CUL5: variants seen among roughly 807,000 people sequenced by gnomAD.
The protein encoded by CUL5 is cullin 5, also known as cullin-5.
In CUL5, 26 loss-of-function variants were observed where a neutral mutation model predicts 108.8. That is an observed-to-expected ratio of 0.24 (90% CI 0.18 to 0.33). The LOEUF (loss-of-function observed/expected upper bound fraction) is 0.33, where lower values mean the gene tolerates loss of function less well. CUL5 is among the 10% of genes least tolerant of loss of function. The pLI is 1.00. For synonymous variants in CUL5, 334 were observed against 298.0 expected (o/e 1.12, Z -1.25); for missense variants, 524 against 909.2 (o/e 0.58, Z 5.45).
Position 108,009,286 on chromosome 11 carries a change from C to T in CUL5, c.-63C>T. 2 of 1,597,146 alleles carry T rather than the reference C, an allele frequency of 1.3e-6. No homozygotes were observed. Among genetic ancestry groups the T allele is most frequent in the Non-Finnish European group, 1.7e-6 (2 of 1,166,724 alleles). Reference sequence around the variant, plus strand: ...CCTGGTGGGAGCTCCGGCCTCCGGTCAAGGCCTGGCCGGGAGCGCCACGAA... The same window carrying T: ...CCTGGTGGGAGCTCCGGCCTCCGGTTAAGGCCTGGCCGGGAGCGCCACGAA... On this transcript the variant is annotated 5_prime_UTR_variant, in exon 1 of 19. Transcript: ENST00000393094.
At chr11:108,100,260 A>G (rs73000537) in intron 18 of CUL5, among the ~76,000 whole-genome samples, 8,877 of 152,178 alleles carry the variant, frequency 0.058, 386 homozygotes, top group Non-Finnish European at 0.079. Context: ...AAATAACTTT[A>G]GGCTCGGCGC....
At position 108,095,700 on chromosome 11, in the gene CUL5, A is replaced by C; in HGVS notation, c.1905+9A>C. On this transcript the variant is annotated intron_variant, in intron 16 of 18. Transcript: ENST00000393094. ...TTAGGAGGACTTTATGGGTTGGTTT[A>C]TGTTTTTTTGTTTTTAAGACTGTAT... 1.9e-6 allele frequency: 3 copies of C among 1,605,994 alleles called. No homozygotes were observed. The highest frequency in any genetic ancestry group is 2.5e-6 in the Non-Finnish European group (3 of 1,177,584).
intron 15 of CUL5, 69 bp downstream of exon 15, chr11:108,095,056 G>A (rs1864455778): frequency 7.5e-7 from 1 of 1,325,296 alleles, no homozygotes; most frequent in Admixed American, 2.4e-5. Context: ...CCGCAGAATT[G>A]CTTAAACAAA....
At chr11:108,020,502 G>A (rs1312475086) in intron 1 of CUL5, among the ~76,000 whole-genome samples, 1 of 151,506 alleles carries the variant, frequency 6.6e-6, no homozygotes, top group East Asian at 1.9e-4. Context: ...TATAAAGAAA[G>A]TAAATATGTT....
chr11:108,059,667 A>G (rs1863485350), intron 7 of CUL5, among the ~76,000 whole-genome samples: 1 of 152,204 alleles, frequency 6.6e-6, no homozygotes, highest in Non-Finnish European at 1.5e-5. Flanking sequence ...TCATGAGGTC[A>G]GGAGTTCAAG....
chr11:108,089,387 T>C, intron 12 of CUL5, 105 bp from the exon 13 acceptor site: 1 of 755,852 alleles, frequency 1.3e-6, no homozygotes, highest in Non-Finnish European at 2.1e-6. Flanking sequence ...CTGTATATGC[T>C]CATAAAAGTT....
chr11:108,059,143 G>T (rs1436949604), intron 7 of CUL5, among the ~76,000 whole-genome samples: 1 of 152,178 alleles, frequency 6.6e-6, no homozygotes, highest in Non-Finnish European at 1.5e-5. Context: ...CTCCTGAGTT[G>T]CTGGGACAGT....
At chr11:108,032,581 GTC>G (rs371413301) in intron 1 of CUL5, among the ~76,000 whole-genome samples, 27 of 149,880 alleles carry the variant, frequency 1.8e-4, no homozygotes, top group Admixed American at 2.0e-4. Flanking sequence ...CACATATGGG[GTC>G]TCTCTCTCTC....
At chr11:108,010,818 G>T (rs1416249605) in intron 1 of CUL5, among the ~76,000 whole-genome samples, 1 of 152,106 alleles carries the variant, frequency 6.6e-6, no homozygotes, top group East Asian at 1.9e-4. Flanking sequence ...AAATTTGTGG[G>T]CTGGGCACAG....
chr11:108,089,556 CACG>C lies in CUL5; in HGVS notation c.1380_1382del (p.Arg461del). 2 of 1,567,052 alleles carry C rather than the reference CACG, an allele frequency of 1.3e-6. No individual in the cohort carries two copies. The highest frequency in any genetic ancestry group is 1.7e-6 in the Non-Finnish European group (2 of 1,160,266). ...ATGAGGTATCATAAAGCTCATTTGA[CACG>C]ACGTCTTATATTAGACATCTCTGCC... is the stretch of plus-strand genomic sequence containing the variant. On this transcript the variant is annotated inframe_deletion, in exon 13 of 19. Transcript: ENST00000393094.
At chr11:108,056,850 A>G (rs915501307) in intron 7 of CUL5, among the ~76,000 whole-genome samples, 1 of 152,200 alleles carries the variant, frequency 6.6e-6, no homozygotes, top group Non-Finnish European at 1.5e-5. Context: ...TATCACATGG[A>G]TGGGGCTAGA....
At chr11:108,088,490 T>C (rs753622706) in intron 11 of CUL5, 37 bp from the exon 12 acceptor site, 1 of 1,563,668 alleles carries the variant, frequency 6.4e-7, no homozygotes, top group Non-Finnish European at 8.6e-7. Context: ...CAAACATTAA[T>C]CATTTTTCCA....
chr11:108,086,717 T>G (rs1864229670), intron 11 of CUL5, among the ~76,000 whole-genome samples: 2 of 152,190 alleles, frequency 1.3e-5, no homozygotes, highest in Admixed American at 1.3e-4. Flanking sequence ...AGTTTTTCCT[T>G]TCTGTTTCTT....
chr11:108,072,938 C>T (rs538132184), intron 9 of CUL5, among the ~76,000 whole-genome samples: 1 of 152,192 alleles, frequency 6.6e-6, no homozygotes, highest in African/African-American at 2.4e-5. Flanking sequence ...CAAGGTGGCT[C>T]ACGCCTGTAA....
intron 8 of CUL5, 125 bp from the exon 9 acceptor site, chr11:108,072,206 CG>C: frequency 1.4e-6 from 1 of 726,958 alleles, no homozygotes; most frequent in Non-Finnish European, 2.0e-6. Flanking sequence ...AACAAAAAAA[CG>C]AACAACTACT....
chr11:108,018,674 T>TA (rs969867854), intron 1 of CUL5, among the ~76,000 whole-genome samples: 67 of 149,042 alleles, frequency 4.5e-4, no homozygotes, highest in South Asian at 1.7e-3. Context: ...GACTGTGTCT[T>TA]AAAAAAAAAA....
chr11:108,073,201 C>CAA (rs371051952), intron 9 of CUL5, among the ~76,000 whole-genome samples, 189 bp from the exon 10 acceptor site: 34 of 100,334 alleles, frequency 3.4e-4, no homozygotes, highest in Admixed American at 1.1e-3. Context: ...GACTCCGTCT[C>CAA]AAAAAAAAAA....
At chr11:108,076,427 T>A (rs1264981498) in intron 10 of CUL5, among the ~76,000 whole-genome samples, 1 of 152,228 alleles carries the variant, frequency 6.6e-6, no homozygotes, top group Non-Finnish European at 1.5e-5. Context: ...TCATGTCACC[T>A]ACATTTCCTT....
rs937826428 is a variant in CUL5, at chr11:108,094,870, A to G, written c.1626A>G (p.Lys542=). ...GCGCCTGGTCAAGAAGTTCTGAGAA[A>G]GTCTTTGTCTCACTTCCTACTGAAC... ...NAGAWSRSSE[K]VFVSLPTELE... Residue 542 remains lysine, a synonymous_variant, in exon 15 of 19, where the codon AAA becomes AAG. Transcript: ENST00000393094. 3.1e-5 allele frequency: 50 copies of G among 1,612,748 alleles called. No homozygotes were observed. The highest frequency in any genetic ancestry group is 4.2e-5 in the Non-Finnish European group (50 of 1,179,406).
Sources: gnomAD v4.1 joint callset for allele counts (sites outside exome capture counted in the v4.1 genomes callset) on GRCh38, gnomAD v4.1.1 for gene constraint, MANE v1.5 for transcripts, NCBI Gene and HGNC (gene_info 2026-07-23, HGNC 2026-07-21) for gene names.